The following ANK3 variants were observed in gnomAD, a reference collection of about 807,000 sequenced individuals.
The protein encoded by ANK3 is ankyrin-3.
Under a neutral mutation model 370.9 loss-of-function variants are expected in ANK3, and 57 were observed. The observed-to-expected ratio is 0.15, with a 90% CI of 0.12 to 0.19. ANK3 has a LOEUF of 0.19. ANK3 is among the 10% of genes least tolerant of loss of function. The pLI is 1.00. For missense variants in ANK3, 4,439 were observed against 5,302.1 expected (o/e 0.84, Z 5.06); for synonymous variants, 1,929 against 1,946.3 (o/e 0.99, Z 0.23).
intron 4 of ANK3, among the ~76,000 whole-genome samples, chr10:60,276,356 A>G (rs1832916866): frequency 1.3e-5 from 2 of 152,170 alleles, no homozygotes; most frequent in African/African-American, 4.8e-5. Context: ...TGGAGGTGAC[A>G]TCATTGTTTG....
chr10:60,519,872 C>T (rs183263685), intron 2 of ANK3, among the ~76,000 whole-genome samples: 10 of 152,108 alleles, frequency 6.6e-5, no homozygotes, highest in Admixed American at 5.2e-4. Flanking sequence ...TATATGTGTG[C>T]GTATAGGATG....
chr10:60,505,705 C>T (rs186737910), intron 2 of ANK3, among the ~76,000 whole-genome samples: 32 of 152,234 alleles, frequency 2.1e-4, no homozygotes, highest in African/African-American at 7.5e-4. Context: ...TCCTCCCACT[C>T]CAACTCTTTC....
intron 2 of ANK3, among the ~76,000 whole-genome samples, chr10:60,579,753 A>G (rs1352324264): frequency 1.3e-5 from 2 of 152,242 alleles, no homozygotes; most frequent in Non-Finnish European, 2.9e-5. Context: ...AACTGAGAAC[A>G]CATATTCCTC....
At chr10:60,613,423 A>G (rs2078226832) in intron 2 of ANK3, among the ~76,000 whole-genome samples, 1 of 152,210 alleles carries the variant, frequency 6.6e-6, no homozygotes, top group Admixed American at 6.5e-5. Context: ...GTATGGCTCC[A>G]TTTTTAATCT....
intron 2 of ANK3, among the ~76,000 whole-genome samples, chr10:60,487,262 A>G (rs2075372932): frequency 6.6e-6 from 1 of 152,200 alleles, no homozygotes; most frequent in Admixed American, 6.5e-5. Context: ...TTGCATTAAG[A>G]TAAGAGAACA....
intron 1 of ANK3, among the ~76,000 whole-genome samples, chr10:60,303,878 G>A (rs12770309): frequency 0.011 from 1,058 of 96,204 alleles, 7 homozygotes; most frequent in African/African-American, 0.046. Flanking sequence ...GTGTATATAT[G>A]TGTGTGTGTG....
Position 60,198,504 on chromosome 10 carries a change from G to C in ANK3, c.1525C>G (p.Leu509Val). Residue 509 changes from leucine to valine, a missense_variant, in exon 14 of 44, where the codon CTG becomes GTG. Leu to Val is a conservative substitution (Grantham distance 32). Around this residue, in one of 13 missense-constraint regions of ANK3, gnomAD observed 227 missense variants for 377.6 expected, o/e 0.60. Coordinates refer to ENST00000280772, the MANE Select transcript of ANK3 (RefSeq NM_020987.5). ...DQTPLHISAR[L>V]GKADIVQQLL... ...TGTTGTACTATGTCTGCTTTCCCCA[G>C]TCGGGCTGAAATGTGGAGTGGTGTT... The C allele has an allele frequency of 6.2e-7, 1 of 1,614,182 alleles. No homozygotes were observed. The highest frequency in any genetic ancestry group is 8.5e-7 in the Non-Finnish European group (1 of 1,180,036).
intron 1 of ANK3, among the ~76,000 whole-genome samples, chr10:60,708,529 C>T (rs546237378): frequency 2.0e-5 from 3 of 152,294 alleles, no homozygotes; most frequent in South Asian, 2.1e-4. Context: ...ACCCCTCTCA[C>T]GAGTCCAGCA....
Position 60,721,074 on chromosome 10 carries a change from A to G in ANK3, c.57+12189T>C, listed in dbSNP as rs554597104. 1.2e-4 allele frequency among the ~76,000 whole-genome samples: 18 copies of G among 152,354 alleles called. No individual in the cohort carries two copies. In the South Asian group the frequency reaches 3.3e-3, roughly 28 times the overall value. On this transcript the variant is annotated intron_variant, in intron 1 of 43. Coordinates refer to the ANK3 transcript ENST00000373827. ...ATATAAAAATATCCAATTAGTAAAA[A>G]TACCCTCTAGAAGTCCATTGTCCAG...
At chr10:60,309,099 A>G (rs1009991823) in intron 1 of ANK3, among the ~76,000 whole-genome samples, 3 of 152,260 alleles carry the variant, frequency 2.0e-5, no homozygotes, top group Non-Finnish European at 4.4e-5. Context: ...ATCATGTGCA[A>G]TAATAATGCC....
In ANK3 at chr10:60,695,448, A is replaced by AT. The variant is rs1020373020; in HGVS notation, c.57+37814dup. Among the ~76,000 whole-genome samples, 5 of 152,208 alleles carry AT rather than the reference A, an allele frequency of 3.3e-5. No individual in the cohort carries two copies. In the East Asian group the frequency reaches 9.7e-4, roughly 29 times the overall value. Reference sequence around the variant, plus strand: ...TCCACCCCAAATCAACAGAATATACATTTTTTTCAGCACCACACCACACCT... The same window carrying AT: ...TCCACCCCAAATCAACAGAATATACATTTTTTTTCAGCACCACACCACACCT... On this transcript the variant is annotated intron_variant, in intron 1 of 43. Transcript: ENST00000373827.
At chr10:60,326,668 A>G (rs2049946239) in intron 1 of ANK3, among the ~76,000 whole-genome samples, 1 of 151,960 alleles carries the variant, frequency 6.6e-6, no homozygotes, top group Admixed American at 6.6e-5. Flanking sequence ...CCTCCTACTG[A>G]CACTCAGTGA....
At chr10:60,116,870 C>A (rs1376439022) in intron 25 of ANK3, among the ~76,000 whole-genome samples, 1 of 152,098 alleles carries the variant, frequency 6.6e-6, no homozygotes, top group Non-Finnish European at 1.5e-5. Context: ...CGTAAAATGA[C>A]CCAGTGAGTG....
chr10:60,426,788 C>T (rs975813619), intron 2 of ANK3, among the ~76,000 whole-genome samples: 1 of 151,988 alleles, frequency 6.6e-6, no homozygotes, highest in African/African-American at 2.4e-5. Context: ...ATTAGGTCAC[C>T]CAAGTTCCAA....
Position 60,446,035 on chromosome 10 carries a change from A to T in ANK3, c.97-166396T>A, listed in dbSNP as rs559349479. 3.3e-5 allele frequency among the ~76,000 whole-genome samples: 5 copies of T among 152,310 alleles called. No individual in the cohort carries two copies. The South Asian group carries it at 1.0e-3, about 32-fold the overall frequency. ...GTTCAGAGGAGCAAAAGGAAGGGAA[A>T]GCAGAAAGCAATTTGTGACCTGCTT... On this transcript the variant is annotated intron_variant, in intron 2 of 43. Coordinates refer to the ANK3 transcript ENST00000373827.
intron 1 of ANK3, among the ~76,000 whole-genome samples, chr10:60,634,991 G>A (rs369263213): frequency 2.6e-5 from 4 of 152,180 alleles, no homozygotes; most frequent in Admixed American, 1.3e-4. Flanking sequence ...ACAAGGGTCC[G>A]TGGCTTCATT....
chr10:60,645,955 A>G (rs547792635), intron 1 of ANK3, among the ~76,000 whole-genome samples: 9 of 152,314 alleles, frequency 5.9e-5, no homozygotes, highest in African/African-American at 2.2e-4. Flanking sequence ...GAGTTGTGAT[A>G]AATGCTCTGA....
chr10:60,266,824 G>A (rs1383592971), intron 5 of ANK3, among the ~76,000 whole-genome samples: 1 of 152,170 alleles, frequency 6.6e-6, no homozygotes, highest in Non-Finnish European at 1.5e-5. Flanking sequence ...AAATGTGATA[G>A]AGGCTACTGG....
intron 2 of ANK3, among the ~76,000 whole-genome samples, chr10:60,399,269 T>A (rs1200921091): frequency 6.6e-6 from 1 of 152,102 alleles, no homozygotes; most frequent in Non-Finnish European, 1.5e-5. Flanking sequence ...ATGTGGAAGT[T>A]ATGGAAAGAA....
Sources: allele counts gnomAD v4.1 joint callset (sites outside exome capture counted in the v4.1 genomes callset), GRCh38; gene constraint gnomAD v4.1.1; regional missense constraint gnomAD v4.1.1; transcripts MANE v1.5; gene names NCBI Gene and HGNC (gene_info 2026-07-23, HGNC 2026-07-21).